TMEM255A: variants seen among roughly 807,000 people sequenced by gnomAD.
The protein encoded by TMEM255A is transmembrane protein 255A.
TMEM255A carries 14 observed loss-of-function variants against 23.5 expected under a neutral mutation model. That is an observed-to-expected ratio of 0.60 (90% CI 0.39 to 0.93). The LOEUF is 0.93. Ranked by LOEUF, TMEM255A falls within the 40% of genes least tolerant of loss-of-function variation. The probability of loss-of-function intolerance (pLI) is 0.00; values close to 1 mark genes in which losing one functional copy is unlikely to be tolerated. For missense variants in TMEM255A, 233 were observed against 261.7 expected, an observed-to-expected ratio of 0.89 and a Z score of 0.76; for synonymous variants, 104 against 100.3, an observed-to-expected ratio of 1.04 and a Z score of -0.22.
At chrX:120,255,250 A>G, downstream of TMEM255A, 1 of 1,212,134 alleles carries the variant, frequency 8.2e-7, no homozygotes, top group Non-Finnish European at 1.1e-6. Context: ...GCAATGAAGG[A>G]TGATGGTATT....
At chrX:120,268,688 T>G (rs1376003528) in intron 7 of TMEM255A, among the ~76,000 whole-genome samples, 1 of 111,916 alleles carries the variant, frequency 8.9e-6, no homozygotes, top group Non-Finnish European at 1.9e-5. Context: ...TAACTGTGGT[T>G]TATCTCTGGG....
At chrX:120,266,016 T>C (rs2057714770) in intron 8 of TMEM255A, among the ~76,000 whole-genome samples, 2 of 100,992 alleles carry the variant, frequency 2.0e-5, no homozygotes, top group Non-Finnish European at 4.0e-5. Flanking sequence ...TAGCCGGGCA[T>C]GGTGGCACGC....
chrX:120,305,372 T>C (rs1398889889), intron 1 of TMEM255A, among the ~76,000 whole-genome samples: 1 of 107,830 alleles, frequency 9.3e-6, no homozygotes, highest in African/African-American at 3.4e-5. Context: ...TTCTCAGGCA[T>C]AGGGAGAGGG....
chrX:120,299,511 C>T (rs955750382), intron 2 of TMEM255A, among the ~76,000 whole-genome samples: 1 of 110,324 alleles, frequency 9.1e-6, no homozygotes, highest in Non-Finnish European at 1.9e-5. Context: ...ATGGGGGTCT[C>T]ACTTTGTTGC....
chrX:120,263,122 C>G (rs569233911), intron 8 of TMEM255A, among the ~76,000 whole-genome samples: 3 of 111,620 alleles, frequency 2.7e-5, no homozygotes, highest in South Asian at 7.6e-4. Flanking sequence ...TCCACACACC[C>G]TTGGGGTTTA....
At chrX:120,268,100 G>T in intron 8 of TMEM255A, 144 bp downstream of exon 8, 1 of 669,216 alleles carries the variant, frequency 1.5e-6, no homozygotes, top group Non-Finnish European at 2.1e-6. Context: ...GGCAACCACA[G>T]GCTGCTGGCC....
At position 120,293,764 on chromosome X, in the gene TMEM255A, T is replaced by C. The variant is rs2057933231; in HGVS notation, c.264+225A>G. On this transcript the variant is annotated intron_variant, in intron 3 of 8. Transcript: ENST00000371369. Reference sequence around the variant, plus strand: ...TCCAGAATATTCTATCCCTTTGGCATAAGGAATCTAGCTAGGCCAGTGAGG... The same window carrying C: ...TCCAGAATATTCTATCCCTTTGGCACAAGGAATCTAGCTAGGCCAGTGAGG... 2.7e-5 allele frequency among the ~76,000 whole-genome samples: 3 copies of C among 112,033 alleles called. No individual in the cohort carries two copies. The Admixed American group carries it at 2.8e-4, about 11-fold the overall frequency.
intron 5 of TMEM255A, chrX:120,285,573 G>C: frequency 8.3e-7 from 1 of 1,202,908 alleles, no homozygotes; most frequent in Non-Finnish European, 1.1e-6. Flanking sequence ...AGAAGATAAG[G>C]TGGGAAGGAA....
intron 1 of TMEM255A, among the ~76,000 whole-genome samples, 184 bp downstream of exon 1, chrX:120,311,068 G>T (rs906522244): frequency 6.3e-5 from 7 of 110,949 alleles, no homozygotes; most frequent in African/African-American, 2.3e-4. Flanking sequence ...CGTCGCTCCC[G>T]CTGCAGCCAG....
intron 3 of TMEM255A, among the ~76,000 whole-genome samples, chrX:120,292,010 A>C (rs2057918794): frequency 9.0e-6 from 1 of 111,103 alleles, no homozygotes; most frequent in African/African-American, 3.3e-5. Flanking sequence ...ATATTTTTAA[A>C]ATTTTTAAAT....
intron 7 of TMEM255A, among the ~76,000 whole-genome samples, chrX:120,270,301 G>T (rs968285568): frequency 2.7e-5 from 3 of 110,361 alleles, no homozygotes; most frequent in Admixed American, 9.7e-5. Context: ...GTGTTTGTGT[G>T]TGTGTGTGTG....
chrX:120,254,217 T>C, downstream of TMEM255A: 1 of 1,212,096 alleles, frequency 8.3e-7, no homozygotes. Flanking sequence ...TGAAAAATTG[T>C]TGGTATCTTC....
At chrX:120,252,961 G>A in the TMEM255A span, among the ~76,000 whole-genome samples, 3 of 111,840 alleles carry the variant, frequency 2.7e-5, no homozygotes, top group Admixed American at 1.9e-4. Context: ...TATTGCACGC[G>A]CTGAGCTTTT....
At position 120,301,862 on chromosome X, in the gene TMEM255A, G is replaced by A. The variant is rs143365015; in HGVS notation, c.201+2487C>T. Among the ~76,000 whole-genome samples, 956 of 111,621 alleles carry A rather than the reference G, an allele frequency of 8.6e-3. 3 individuals are homozygous for A. The highest frequency in any genetic ancestry group is 0.013 in the Non-Finnish European group (690 of 53,092). ...AGTACCCCATTCCCAGACAAATCTG[G>A]ATTCTCAGGCGTTTACTGTTTCTGA... On this transcript the variant is annotated intron_variant, in intron 2 of 8. Coordinates refer to ENST00000371369, the MANE Select transcript of TMEM255A (RefSeq NM_001104544.3).
chrX:120,258,349 T>C (rs1319489139), downstream of TMEM255A: 1 of 123,651 alleles, frequency 8.1e-6, no homozygotes, highest in Non-Finnish European at 1.9e-5. Flanking sequence ...CATGGCCTGA[T>C]ATTAGTTCTT....
intron 7 of TMEM255A, 30 bp from the exon 8 acceptor site, chrX:120,268,417 T>TA (rs1253139063): frequency 1.8e-6 from 2 of 1,121,986 alleles, no homozygotes; most frequent in Non-Finnish European, 2.4e-6. Flanking sequence ...AGAAACAACA[T>TA]AAACAGTCAT....
At chrX:120,285,619 T>C in intron 5 of TMEM255A, 8 of 1,211,027 alleles carry the variant, frequency 6.6e-6, no homozygotes, top group Non-Finnish European at 8.9e-6. Context: ...TGAAGTACAA[T>C]AGTACCTCTC....
downstream of TMEM255A, chrX:120,254,924 T>C: frequency 1.6e-6 from 2 of 1,212,342 alleles, no homozygotes; most frequent in Admixed American, 2.2e-5. Flanking sequence ...AAAGGTCATA[T>C]GTCTGTCTGA....
At chrX:120,253,293 T>G in the TMEM255A span, 10,569 of 737,088 alleles carry the variant, frequency 0.014, 695 homozygotes, top group African/African-American at 0.2. Flanking sequence ...CAAAAAATTA[T>G]GCTGAACTTT....
Sources: allele counts gnomAD v4.1 joint callset (sites outside exome capture counted in the v4.1 genomes callset), GRCh38; gene constraint gnomAD v4.1.1; transcripts MANE v1.5; gene names NCBI Gene and HGNC (gene_info 2026-07-23, HGNC 2026-07-21).